Variants in MMP20 observed in about 807,000 individuals in gnomAD.
MMP20 encodes the protein matrix metalloproteinase-20.
In MMP20, 50 loss-of-function variants were observed where a neutral mutation model predicts 51.8. The observed-to-expected ratio is 0.97, with a 90% confidence interval of 0.77 to 1.22. The LOEUF (loss-of-function observed/expected upper bound fraction) is 1.22, where lower values mean the gene tolerates loss of function less well. Ranked by LOEUF, MMP20 falls within the 50% of genes most tolerant of loss-of-function variation. MMP20 has a pLI of 0.00. For missense variants in MMP20, 663 were observed against 601.4 expected (o/e 1.10, Z -1.07); for synonymous variants, 244 against 216.2 (o/e 1.13, Z -1.13).
chr11:102,594,873 TCTTGC>T (rs1483212225), intron 6 of MMP20, 116 bp from the exon 7 acceptor site: 8 of 1,324,070 alleles, frequency 6.0e-6, no homozygotes, highest in South Asian at 1.3e-5. Context: ...TGCCCTTTGC[TCTTGC>T]CTTGCCTTGC....
intron 2 of MMP20, 48 bp downstream of exon 2, chr11:102,616,764 A>T: frequency 6.2e-7 from 1 of 1,608,202 alleles, no homozygotes; most frequent in South Asian, 1.1e-5. Context: ...AGGGAAAAAG[A>T]GAGAGGTGGT....
intron 8 of MMP20, among the ~76,000 whole-genome samples, chr11:102,587,485 C>T (rs571414327): frequency 6.6e-6 from 1 of 152,200 alleles, no homozygotes; most frequent in Non-Finnish European, 1.5e-5. Flanking sequence ...CAGTATTGTT[C>T]AAGTCTTTTA....
chr11:102,593,828 T>C (rs575207731), intron 7 of MMP20, among the ~76,000 whole-genome samples: 1 of 152,318 alleles, frequency 6.6e-6, no homozygotes, highest in African/African-American at 2.4e-5. Flanking sequence ...ATTGATAAAA[T>C]TGTGTTTTAC....
chr11:102,596,976 T>C (rs1373821421), intron 6 of MMP20, among the ~76,000 whole-genome samples: 1 of 152,218 alleles, frequency 6.6e-6, no homozygotes, highest in Non-Finnish European at 1.5e-5. Context: ...AGAGCAAGTG[T>C]GTTCCAATTA....
intron 7 of MMP20, 130 bp from the exon 8 acceptor site, chr11:102,593,725 A>C (rs1859346425): frequency 2.0e-6 from 2 of 979,522 alleles, no homozygotes; most frequent in Admixed American, 4.1e-5. Context: ...TAACCCAACA[A>C]GAGATATAAG....
intron 8 of MMP20, among the ~76,000 whole-genome samples, chr11:102,585,800 T>C (rs2135929886): frequency 6.6e-6 from 1 of 152,306 alleles, no homozygotes; most frequent in African/African-American, 2.4e-5. Flanking sequence ...TATTCCTAGG[T>C]TGCTGAATGT....
chr11:102,608,572 T>C (rs1403139918), intron 5 of MMP20, among the ~76,000 whole-genome samples: 2 of 152,202 alleles, frequency 1.3e-5, no homozygotes, highest in African/African-American at 4.8e-5. Context: ...GATTGCTATT[T>C]TTAGGGAGAT....
chr11:102,596,504 G>A (rs1436046459), intron 6 of MMP20, among the ~76,000 whole-genome samples: 1 of 152,212 alleles, frequency 6.6e-6, no homozygotes, highest in East Asian at 1.9e-4. Flanking sequence ...ACTGTAAGGT[G>A]CCATATGGAT....
At chr11:102,584,202 G>C (rs566586284) in intron 8 of MMP20, among the ~76,000 whole-genome samples, 4 of 152,292 alleles carry the variant, frequency 2.6e-5, no homozygotes, top group East Asian at 1.9e-4. Context: ...TGAGGAGCAG[G>C]AGACTGCTTT....
chr11:102,591,229 T>C (rs1468906608), intron 8 of MMP20, among the ~76,000 whole-genome samples: 1 of 152,188 alleles, frequency 6.6e-6, no homozygotes, highest in East Asian at 1.9e-4. Flanking sequence ...TTACTCCTTG[T>C]TGCATACACC....
intron 8 of MMP20, among the ~76,000 whole-genome samples, chr11:102,589,491 C>T (rs1859292820): frequency 1.3e-5 from 2 of 152,046 alleles, no homozygotes; most frequent in South Asian, 4.1e-4. Flanking sequence ...TTAATAACAC[C>T]CAACATGAGC....
At chr11:102,604,535 G>A (rs899747459) in intron 6 of MMP20, among the ~76,000 whole-genome samples, 7 of 152,126 alleles carry the variant, frequency 4.6e-5, no homozygotes, top group Non-Finnish European at 7.3e-5. Context: ...GACACTATGT[G>A]TCTGGCACAT....
intron 1 of MMP20, 98 bp from the exon 2 acceptor site, chr11:102,617,157 A>G: frequency 7.2e-7 from 1 of 1,395,796 alleles, no homozygotes; most frequent in East Asian, 2.3e-5. Context: ...TATTAAAAGC[A>G]GTGTGTAGAG....
chr11:102,611,640 A>G (rs932406047), intron 3 of MMP20, 115 bp downstream of exon 3: 18 of 1,345,930 alleles, frequency 1.3e-5, no homozygotes, highest in Middle Eastern at 2.4e-4. Context: ...GCCTTGGCCC[A>G]TCACAGCACT....
chr11:102,581,355 A>G (rs1565388405), intron 8 of MMP20, among the ~76,000 whole-genome samples: 1 of 152,176 alleles, frequency 6.6e-6, no homozygotes, highest in Admixed American at 6.5e-5. Flanking sequence ...TAATCTTTAA[A>G]CTTACTTTAC....
intron 7 of MMP20, among the ~76,000 whole-genome samples, chr11:102,594,314 A>G (rs1444523942): frequency 6.6e-6 from 1 of 152,198 alleles, no homozygotes; most frequent in Non-Finnish European, 1.5e-5. Flanking sequence ...AGTAGAGTAT[A>G]CACTGTCACT....
In MMP20 at chr11:102,579,054, C is replaced by T. The variant is rs762857259; in HGVS notation, c.1336G>A (p.Ala446Thr). ...FSGVNGQIDAAVELNGYIYFF... is the reference protein window; with the variant it reads ...FSGVNGQIDATVELNGYIYFF... The stretch of plus-strand genomic sequence containing the variant: ...AAACACTTACCATTTAATTCTACAG[C>T]AGCATCGATTTGGCCATTTACTCCT... The change falls in exon 9 of 10, where the codon GCT becomes ACT. Residue 446 changes from alanine (A) to threonine (T), a missense_variant. Coordinates refer to ENST00000260228, the MANE Select transcript of MMP20 (RefSeq NM_004771.4). The T allele has an allele frequency of 3.7e-6, 6 of 1,609,846 alleles. No homozygotes were observed. The Admixed American group carries it at 6.7e-5, about 18-fold the overall frequency.
intron 9 of MMP20, among the ~76,000 whole-genome samples, chr11:102,578,380 T>G (rs776894443): frequency 1.6e-4 from 25 of 152,186 alleles, no homozygotes; most frequent in Non-Finnish European, 2.8e-4. Flanking sequence ...GAAGTGATCC[T>G]ACCACCTCAT....
chr11:102,600,986 T>C (rs1406716253), intron 6 of MMP20, among the ~76,000 whole-genome samples: 1 of 152,072 alleles, frequency 6.6e-6, no homozygotes, highest in African/African-American at 2.4e-5. Flanking sequence ...ACCACAGGGG[T>C]TTTGTCTCTG....
Sources: gnomAD v4.1 joint callset for allele counts (sites outside exome capture counted in the v4.1 genomes callset) on GRCh38, gnomAD v4.1.1 for gene constraint, MANE v1.5 for transcripts, NCBI Gene and HGNC (gene_info 2026-07-23, HGNC 2026-07-21) for gene names.